The following ZNF516 variants were observed in gnomAD, a reference collection of about 807,000 sequenced individuals.
ZNF516 encodes zinc finger protein 516.
A neutral mutation model predicts 79.7 loss-of-function variants in ZNF516; 19 were observed. The observed-to-expected ratio is 0.24, with a 90% CI of 0.17 to 0.35. ZNF516 has a LOEUF of 0.35. ZNF516 is among the 10% of genes least tolerant of loss of function. The pLI is 1.00. For missense variants in ZNF516, 1,678 were observed against 1,679.5 expected (o/e 1.00, Z 0.02); for synonymous variants, 877 against 739.5 (o/e 1.19, Z -3.02).
rs115318505 is a variant in ZNF516 at position 76,371,622 on chromosome 18, G to C, written c.3260-51C>G. The C allele has an allele frequency of 1.5e-3, 2,166 of 1,493,384 alleles. 21 individuals carry two copies. In the African/African-American group the frequency reaches 0.027, roughly 19 times the overall value. The allele number at this position is 1,493,384 out of a possible 1,614,324, so 92.5% of individuals were successfully genotyped here. ...GCAGGGCCGTGGTGGGGTTGGCGTG[G>C]AGGTGAGGAGGCAGGAGAGCGAGGG... is the stretch of plus-strand genomic sequence containing the variant. On this transcript the variant is annotated intron_variant, in intron 4 of 6. Transcript: ENST00000443185.
chr18:76,396,170 G>A (rs2075144087), intron 3 of ZNF516, among the ~76,000 whole-genome samples: 2 of 152,166 alleles, frequency 1.3e-5, no homozygotes, highest in Admixed American at 1.3e-4. Flanking sequence ...TTAGGAGATG[G>A]TCACACCCCT....
chr18:76,368,747 T>C (rs2074657894), intron 6 of ZNF516, among the ~76,000 whole-genome samples: 5 of 152,230 alleles, frequency 3.3e-5, no homozygotes, highest in Admixed American at 3.3e-4. Context: ...ATATTGTTAC[T>C]CATATAATAA....
In ZNF516 at chr18:76,441,135, C is replaced by T. The variant is rs934830092; in HGVS notation, c.1810+110G>A. 190 of 1,420,014 alleles carry T rather than the reference C, an allele frequency of 1.3e-4. No individual in the cohort carries two copies. In the Middle Eastern group the frequency reaches 3.4e-3, roughly 25 times the overall value. The allele number at this position is 1,420,014 out of a possible 1,614,324, so 88.0% of individuals were successfully genotyped here. On this transcript the variant is annotated intron_variant, in intron 3 of 6. Coordinates refer to ENST00000443185, the MANE Select transcript of ZNF516 (RefSeq NM_014643.4). ...ATAGGCCTAGCTGAGTAAAGGGCCA[C>T]CGGGTAAGGGGCTAATGAGCGAGCC... is the stretch of plus-strand genomic sequence containing the variant.
At chr18:76,396,314 T>C (rs918982088) in intron 3 of ZNF516, among the ~76,000 whole-genome samples, 1 of 152,152 alleles carries the variant, frequency 6.6e-6, no homozygotes, top group Non-Finnish European at 1.5e-5. Context: ...TCTATCCAAA[T>C]GACACTGAGG....
chr18:76,452,427 G>T (rs1442620809), intron 2 of ZNF516, among the ~76,000 whole-genome samples: 3 of 152,182 alleles, frequency 2.0e-5, no homozygotes, highest in Non-Finnish European at 4.4e-5. Context: ...GTAAGGAACT[G>T]TCCGTAATAA....
chr18:76,473,806 A>G (rs1914007981), intron 1 of ZNF516, among the ~76,000 whole-genome samples: 1 of 151,578 alleles, frequency 6.6e-6, no homozygotes, highest in African/African-American at 2.4e-5. Context: ...ATCTCCAAAA[A>G]AAAAAAAAAG....
intron 3 of ZNF516, among the ~76,000 whole-genome samples, chr18:76,404,738 G>A (rs557633713): frequency 0.034 from 61 of 1,786 alleles, no homozygotes; most frequent in Non-Finnish European, 0.071. Context: ...CAGCATGTGC[G>A]TTGTGTGTGC....
intron 1 of ZNF516, among the ~76,000 whole-genome samples, chr18:76,465,114 G>C (rs753310434): frequency 2.0e-5 from 3 of 152,240 alleles, no homozygotes; most frequent in African/African-American, 7.2e-5. Context: ...CCAAAATGGC[G>C]TGGTCATCCA....
chr18:76,414,758 C>T lies in ZNF516; in HGVS notation c.1810+26487G>A, dbSNP rs149701116. On this transcript the variant is annotated intron_variant, in intron 3 of 6. Transcript: ENST00000443185. ...ATGAGAAGAATGGGCCAATCATGTTCGCACCAACTATGTGATATTAAACAC... is the reference window on the plus strand; with the variant it reads ...ATGAGAAGAATGGGCCAATCATGTTTGCACCAACTATGTGATATTAAACAC... Among the ~76,000 whole-genome samples, 660 of 152,346 alleles carry T rather than the reference C, an allele frequency of 4.3e-3. 4 individuals are homozygous for T. Among genetic ancestry groups the T allele is most frequent in the African/African-American group, 0.015 (627 of 41,564 alleles).
At chr18:76,458,991 C>T (rs1912924659) in intron 2 of ZNF516, among the ~76,000 whole-genome samples, 1 of 152,158 alleles carries the variant, frequency 6.6e-6, no homozygotes, top group African/African-American at 2.4e-5. Context: ...CTAGTGTGCC[C>T]GAGGGTGTGT....
intron 2 of ZNF516, among the ~76,000 whole-genome samples, chr18:76,454,179 CA>C (rs1348652525): frequency 6.6e-6 from 1 of 152,148 alleles, no homozygotes; most frequent in African/African-American, 2.4e-5. Flanking sequence ...CTGTTTAGCA[CA>C]GAAGTCAGCG....
At chr18:76,426,613 C>T (rs1336155015) in intron 3 of ZNF516, among the ~76,000 whole-genome samples, 2 of 151,986 alleles carry the variant, frequency 1.3e-5, no homozygotes, top group African/African-American at 4.8e-5. Context: ...AATTTGGCAT[C>T]CCTAACTTCT....
intron 3 of ZNF516, among the ~76,000 whole-genome samples, chr18:76,384,303 C>T (rs1233968082): frequency 6.9e-6 from 1 of 145,228 alleles, no homozygotes; most frequent in Non-Finnish European, 1.5e-5. Context: ...CGCCTTCCTC[C>T]ACAGCCCCCA....
chr18:76,359,972 C>T lies in ZNF516; in HGVS notation c.*2526G>A, dbSNP rs1188141616. On this transcript the variant is annotated 3_prime_UTR_variant, in exon 7 of 7. Transcript: ENST00000443185. ...AAGGGACCACACATCCAGGCCTGCC[C>T]ACAGCTGGCCTCAAGGGATGGCGTT... 1 of 152,236 alleles carries T rather than the reference C, an allele frequency of 6.6e-6. No homozygotes were observed. Among genetic ancestry groups the T allele is most frequent in the Non-Finnish European group, 1.5e-5 (1 of 68,068 alleles). 9.4% of individuals were successfully genotyped at this position (152,236 alleles called of 1,614,324 possible).
chr18:76,362,759 G>C (rs565123132), intron 6 of ZNF516, among the ~76,000 whole-genome samples: 1 of 152,138 alleles, frequency 6.6e-6, no homozygotes, highest in Non-Finnish European at 1.5e-5. Flanking sequence ...TTTCAAATGT[G>C]CCTTCCTGCC....
intron 6 of ZNF516, among the ~76,000 whole-genome samples, chr18:76,367,319 A>G (rs904354681): frequency 1.3e-5 from 2 of 152,154 alleles, no homozygotes; most frequent in Non-Finnish European, 2.9e-5. Flanking sequence ...AAGCGCCTCC[A>G]AAGACCTGCT....
intron 3 of ZNF516, among the ~76,000 whole-genome samples, chr18:76,433,949 C>A (rs189105499): frequency 2.0e-5 from 3 of 152,282 alleles, no homozygotes; most frequent in South Asian, 2.1e-4. Flanking sequence ...CTCTCCTGGC[C>A]GGGAAACCCC....
At chr18:76,445,786 G>A (rs1912008427) in intron 2 of ZNF516, among the ~76,000 whole-genome samples, 2 of 152,250 alleles carry the variant, frequency 1.3e-5, no homozygotes, top group African/African-American at 4.8e-5. Context: ...GAGGAGCCCA[G>A]GCCTGGTCAG....
chr18:76,388,629 T>C (rs1365998210), intron 3 of ZNF516: 1 of 152,100 alleles, frequency 6.6e-6, no homozygotes, highest in East Asian at 1.9e-4. Context: ...CACTCAGAGA[T>C]GAGGGAGACC....
Sources: allele counts gnomAD v4.1 joint callset (sites outside exome capture counted in the v4.1 genomes callset), GRCh38; gene constraint gnomAD v4.1.1; transcripts MANE v1.5; gene names NCBI Gene and HGNC (gene_info 2026-07-23, HGNC 2026-07-21).